Variants in GRM2 observed in about 807,000 individuals in gnomAD.
GRM2 encodes the protein metabotropic glutamate receptor 2.
GRM2 carries 35 observed loss-of-function variants against 60.4 expected under a neutral mutation model. That is an observed-to-expected ratio of 0.58 (90% CI 0.44 to 0.77). GRM2 has a LOEUF of 0.77. Ranked by LOEUF, GRM2 falls within the 30% of genes least tolerant of loss-of-function variation. The probability of loss-of-function intolerance (pLI) is 0.00; values close to 1 mark genes in which losing one functional copy is unlikely to be tolerated. For synonymous variants in GRM2, 437 were observed against 484.1 expected (o/e 0.90, Z 1.28); for missense variants, 925 against 1,199.5 (o/e 0.77, Z 3.38).
In GRM2 at chr3:51,715,768, G is replaced by T; in HGVS notation, c.1995G>T (p.Arg665=). 1 of 1,613,576 alleles carries T rather than the reference G, an allele frequency of 6.2e-7. No homozygotes were observed. Among genetic ancestry groups the T allele is most frequent in the East Asian group, 2.2e-5 (1 of 44,862 alleles). Residue 665 remains arginine, a synonymous_variant, in exon 4 of 6, where the codon CGG becomes CGT. Transcript: ENST00000395052. This position sits in a 1 kb window ranked among gnomAD's most constrained non-coding sequence, Gnocchi z 9.0. ...TTGCACGCATCTTCGGTGGGGCCCG[G>T]GAGGGTGCCCAGCGGCCACGCTTCA... The part of the protein sequence containing the change: ...NRIARIFGGA[R]EGAQRPRFIS...
chr3:51,709,801 ACCCAC>A (rs1703644947), intron 2 of GRM2, among the ~76,000 whole-genome samples: 1 of 97,782 alleles, frequency 1.0e-5, no homozygotes, highest in African/African-American at 4.7e-5. Context: ...CACACCCCAC[ACCCAC>A]CCCCACACCC....
Position 51,717,898 on chromosome 3 carries a change from G to A in GRM2, c.2545+81G>A, listed in dbSNP as rs1703962870. 15 of 1,478,396 alleles carry A rather than the reference G, an allele frequency of 1.0e-5. No homozygotes were observed. Among genetic ancestry groups the A allele is most frequent in the East Asian group, 2.3e-5 (1 of 44,136 alleles). The allele number at this position is 1,478,396 out of a possible 1,614,324, so 91.6% of individuals were successfully genotyped here. On this transcript the variant is annotated intron_variant, in intron 5 of 5. Coordinates refer to ENST00000395052, the MANE Select transcript of GRM2 (RefSeq NM_000839.5). The surrounding 1 kb of genome is among the most constrained non-coding windows in gnomAD (Gnocchi z 6.0). ...GGGTTGCTGAGATCTCTTGTCTGGG[G>A]GTGAGGTGCCCCCCAAATGACACTG...
At position 51,713,316 on chromosome 3, in the gene GRM2, G is replaced by A; in HGVS notation, c.1288+6G>A. On this transcript the variant is annotated splice_donor_region_variant and intron_variant, in intron 3 of 5. Coordinates refer to ENST00000395052, the MANE Select transcript of GRM2 (RefSeq NM_000839.5). This position sits in a 1 kb window ranked among gnomAD's most constrained non-coding sequence, Gnocchi z 4.8. ...GCTCAACGTCAAGTTTGATGGTAAT[G>A]GTGTTGGCCAGTGTCCATTGGCCTG... is the stretch of plus-strand genomic sequence containing the variant. 6.3e-7 allele frequency: 1 copy of A among 1,582,192 alleles called. No homozygotes were observed. Among genetic ancestry groups the A allele is most frequent in the Non-Finnish European group, 8.6e-7 (1 of 1,157,084 alleles).
rs538011180 is a variant in GRM2 at position 51,716,885 on chromosome 3, G to A, written c.2364+748G>A. 2.6e-5 allele frequency among the ~76,000 whole-genome samples: 4 copies of A among 152,262 alleles called. No homozygotes were observed. The highest frequency in any genetic ancestry group is 6.5e-5 in the Admixed American group (1 of 15,296). Reference sequence around the variant, plus strand: ...GCAGAAAAATTGAGGCGAAAGCCCCGGCAAAGGCCCCTTCCCCAGGACAGA... The same window carrying A: ...GCAGAAAAATTGAGGCGAAAGCCCCAGCAAAGGCCCCTTCCCCAGGACAGA... On this transcript the variant is annotated intron_variant, in intron 4 of 5. Coordinates refer to ENST00000395052, the MANE Select transcript of GRM2 (RefSeq NM_000839.5). The surrounding 1 kb of genome is among the most constrained non-coding windows in gnomAD (Gnocchi z 4.0).
rs1323070471 is a variant in GRM2, at chr3:51,712,802, G to A, written c.780G>A (p.Lys260=). 2.5e-6 allele frequency: 4 copies of A among 1,613,018 alleles called. No individual in the cohort carries two copies. Among genetic ancestry groups the A allele is most frequent in the African/African-American group, 2.7e-5 (2 of 75,060 alleles). The change falls in exon 3 of 6, where the codon AAG becomes AAA. Residue 260 remains lysine, a synonymous_variant. Coordinates refer to ENST00000395052, the MANE Select transcript of GRM2 (RefSeq NM_000839.5). The surrounding 1 kb of genome is among the most constrained non-coding windows in gnomAD (Gnocchi z 5.3). The part of the protein sequence containing the change: ...FEGVVRALLQ[K]PSARVAVLFT... ...GTGTGGTGCGAGCCCTGCTGCAGAA[G>A]CCCAGTGCCCGCGTGGCTGTCCTGT...
At chr3:51,707,241 C>T (rs1703544179) in intron 1 of GRM2, 74 bp downstream of exon 1, 1 of 152,586 alleles carries the variant, frequency 6.6e-6, no homozygotes, top group South Asian at 2.1e-4. Context: ...TCCCAGGGTC[C>T]TGCGGGCCCT....
At chr3:51,708,217 T>C (rs1422425473) in intron 1 of GRM2, 1 of 152,174 alleles carries the variant, frequency 6.6e-6, no homozygotes, top group African/African-American at 2.4e-5. Flanking sequence ...AGGCCAGCCA[T>C]TCCACCTTGC....
In GRM2 at chr3:51,709,257, T is replaced by A; in HGVS notation, c.274T>A (p.Cys92Ser). 1 of 1,604,482 alleles carries A rather than the reference T, an allele frequency of 6.2e-7. No individual in the cohort carries two copies. The highest frequency in any genetic ancestry group is 8.5e-7 in the Non-Finnish European group (1 of 1,173,202). The change falls in exon 2 of 6, where the codon TGC (cysteine) becomes AGC (serine). Residue 92 changes from cysteine to serine, a missense_variant. Transcript: ENST00000395052. Reference protein sequence around the residue: ...VRLGAHILDSCSKDTHALEQA... With the variant: ...VRLGAHILDSSSKDTHALEQA... Reference sequence around the variant, plus strand: ...CCTGGGTGCACACATCCTCGACAGTTGCTCCAAGGACACACATGCGCTGGA... The same window carrying A: ...CCTGGGTGCACACATCCTCGACAGTAGCTCCAAGGACACACATGCGCTGGA...
chr3:51,710,936 G>C (rs915572739), intron 2 of GRM2, among the ~76,000 whole-genome samples: 3 of 152,260 alleles, frequency 2.0e-5, no homozygotes, highest in Non-Finnish European at 4.4e-5. Context: ...AGGGCTGGGG[G>C]ACATAAGGTA....
rs777119324 is a variant in GRM2 at position 51,715,261 on chromosome 3, C to T, written c.1488C>T (p.Pro496=). ...PWASPSAGPL[P]ASRCSEPCLQ... ...CCTCACCCTCAGCCGGCCCCCTGCCCGCCTCTCGCTGCAGTGAGCCCTGCC... is the reference window on the plus strand; with the variant it reads ...CCTCACCCTCAGCCGGCCCCCTGCCTGCCTCTCGCTGCAGTGAGCCCTGCC... Residue 496 remains proline, a synonymous_variant, in exon 4 of 6, where the codon CCC becomes CCT. Transcript: ENST00000395052. This position sits in a 1 kb window ranked among gnomAD's most constrained non-coding sequence, Gnocchi z 9.0. 21 of 1,608,826 alleles carry T rather than the reference C, an allele frequency of 1.3e-5. No individual in the cohort carries two copies. Among genetic ancestry groups the T allele is most frequent in the Middle Eastern group, 1.6e-4 (1 of 6,062 alleles).
At position 51,716,672 on chromosome 3, in the gene GRM2, G is replaced by C. The variant is rs1703906389; in HGVS notation, c.2364+535G>C. The stretch of plus-strand genomic sequence containing the variant: ...ATGGCTGCTTCAGATAGGGTGGTCA[G>C]GGAAGCCCTCTCTGAGGAGGTGACA... On this transcript the variant is annotated intron_variant, in intron 4 of 5. Transcript: ENST00000395052. The surrounding 1 kb of genome is among the most constrained non-coding windows in gnomAD (Gnocchi z 4.0). Among the ~76,000 whole-genome samples the C allele has an allele frequency of 6.6e-6, 1 of 152,236 alleles. No individual in the cohort carries two copies.
In GRM2 at chr3:51,712,095, C is replaced by T. The variant is rs1261259086; in HGVS notation, c.451-378C>T. On this transcript the variant is annotated intron_variant, in intron 2 of 5. Transcript: ENST00000395052. This position sits in a 1 kb window ranked among gnomAD's most constrained non-coding sequence, Gnocchi z 5.3. ...ACCTACCCTCAAATAAGTAGAGAGC[C>T]GAAGAGCCCTGAGTAGCCAGATGCC... 1.3e-5 allele frequency among the ~76,000 whole-genome samples: 2 copies of T among 152,168 alleles called. No homozygotes were observed. The highest frequency in any genetic ancestry group is 4.8e-5 in the African/African-American group (2 of 41,428).
intron 1 of GRM2, 35 bp from the exon 2 acceptor site, chr3:51,708,813 C>T (rs1047878633): frequency 2.0e-5 from 11 of 548,186 alleles, no homozygotes; most frequent in Admixed American, 3.3e-5. Context: ...TCCACTTTTC[C>T]TGGTCTGTTT....
In GRM2 at chr3:51,712,910, T is replaced by C. The variant is rs775361465; in HGVS notation, c.888T>C (p.Gly296=). 24 of 1,612,894 alleles carry C rather than the reference T, an allele frequency of 1.5e-5. No individual in the cohort carries two copies. The Admixed American group carries it at 3.5e-4, about 24-fold the overall frequency. ...NASFTWVASD[G]WGALESVVAG... Reference sequence around the variant, plus strand: ...GCTTCACCTGGGTGGCCAGTGATGGTTGGGGGGCCCTGGAGAGTGTGGTGG... The same window carrying C: ...GCTTCACCTGGGTGGCCAGTGATGGCTGGGGGGCCCTGGAGAGTGTGGTGG... Residue 296 remains glycine, a synonymous_variant, in exon 3 of 6, where the codon GGT becomes GGC. Coordinates refer to ENST00000395052, the MANE Select transcript of GRM2 (RefSeq NM_000839.5). The surrounding 1 kb of genome is among the most constrained non-coding windows in gnomAD (Gnocchi z 5.3).
Position 51,716,242 on chromosome 3 carries a change from GC to G in GRM2, c.2364+108del. The G allele has an allele frequency of 2.6e-6, 2 of 763,726 alleles. No homozygotes were observed. Among genetic ancestry groups the G allele is most frequent in the Non-Finnish European group, 4.3e-6 (2 of 460,542 alleles). The allele number at this position is 763,726 out of a possible 1,614,324, so 47.3% of individuals were successfully genotyped here. ...AGCTCTGGGGTTCCAAGAGGATAAT[GC>G]CCACTCAGGGGACCACAGCTTGTGT... On this transcript the variant is annotated intron_variant, in intron 4 of 5. Coordinates refer to ENST00000395052, the MANE Select transcript of GRM2 (RefSeq NM_000839.5). This position sits in a 1 kb window ranked among gnomAD's most constrained non-coding sequence, Gnocchi z 4.0.
intron 2 of GRM2, chr3:51,711,749 G>A (rs1703717482): frequency 6.6e-6 from 1 of 152,304 alleles, no homozygotes. Flanking sequence ...AGGAGACATT[G>A]AGCCCTAGAC....
In GRM2 at chr3:51,717,890, T is replaced by G. The variant is rs1703962456; in HGVS notation, c.2545+73T>G. Reference sequence around the variant, plus strand: ...AGCTCCTTGGGTTGCTGAGATCTCTTGTCTGGGGGTGAGGTGCCCCCCAAA... The same window carrying G: ...AGCTCCTTGGGTTGCTGAGATCTCTGGTCTGGGGGTGAGGTGCCCCCCAAA... On this transcript the variant is annotated intron_variant, in intron 5 of 5. Coordinates refer to ENST00000395052, the MANE Select transcript of GRM2 (RefSeq NM_000839.5). The surrounding 1 kb of genome is among the most constrained non-coding windows in gnomAD (Gnocchi z 6.0). 1.3e-6 allele frequency: 2 copies of G among 1,502,242 alleles called. No homozygotes were observed. The allele number at this position is 1,502,242 out of a possible 1,614,324, so 93.1% of individuals were successfully genotyped here. A position where few individuals can be genotyped will look rare whatever the true frequency, so the allele number is the denominator to read the frequency against.
chr3:51,707,959 T>A (rs1191245164), intron 1 of GRM2: 1 of 152,240 alleles, frequency 6.6e-6, no homozygotes, highest in Non-Finnish European at 1.5e-5. Flanking sequence ...GGGCCATGGC[T>A]AGGGTGGGCA....
In GRM2 at chr3:51,709,339, A is replaced by G. The variant is rs762232162; in HGVS notation, c.356A>G (p.His119Arg). 6.3e-7 allele frequency: 1 copy of G among 1,598,014 alleles called. No homozygotes were observed. Among genetic ancestry groups the G allele is most frequent in the South Asian group, 1.1e-5 (1 of 90,800 alleles). The part of the protein sequence containing the change: ...SLSRGADGSR[H>R]ICPDGSYATH... The stretch of plus-strand genomic sequence containing the variant: ...AGCCGTGGTGCTGATGGCTCACGCC[A>G]CATCTGCCCCGACGGCTCTTATGCG... The change falls in exon 2 of 6, where the codon CAC becomes CGC. Residue 119 changes from histidine to arginine, a missense_variant. Coordinates refer to ENST00000395052, the MANE Select transcript of GRM2 (RefSeq NM_000839.5).
Sources: allele counts gnomAD v4.1 joint callset (sites outside exome capture counted in the v4.1 genomes callset), GRCh38; gene constraint gnomAD v4.1.1; non-coding constraint Gnocchi (gnomAD v3.1); transcripts MANE v1.5; gene names NCBI Gene and HGNC (gene_info 2026-07-23, HGNC 2026-07-21).